Variants in CENPI observed in about 807,000 individuals in gnomAD.
CENPI encodes FSH primary response 1.
Under a neutral mutation model 60.4 loss-of-function variants are expected in CENPI, and 4 were observed. That is an observed-to-expected ratio of 0.07 (90% CI 0.03 to 0.15). The LOEUF (loss-of-function observed/expected upper bound fraction) is 0.15, where lower values mean the gene tolerates loss of function less well. CENPI is among the 10% of genes least tolerant of loss of function. The probability of loss-of-function intolerance (pLI) is 1.00; values close to 1 mark genes in which losing one functional copy is unlikely to be tolerated. For synonymous variants in CENPI, 157 were observed against 189.4 expected, an observed-to-expected ratio of 0.83 and a Z score of 1.40; for missense variants, 444 against 534.5, an observed-to-expected ratio of 0.83 and a Z score of 1.67.
intron 12 of CENPI, among the ~76,000 whole-genome samples, chrX:101,129,594 G>A (rs894594427): frequency 9.0e-6 from 1 of 111,437 alleles, no homozygotes; most frequent in Non-Finnish European, 1.9e-5. Context: ...AGATTTCCAT[G>A]TACTAAATTT....
intron 8 of CENPI, among the ~76,000 whole-genome samples, chrX:101,121,540 C>G (rs1439358749): frequency 3.6e-5 from 4 of 109,953 alleles, no homozygotes; most frequent in African/African-American, 1.3e-4. Context: ...CTGCCTGCCT[C>G]GGCCTCCCAA....
In CENPI at chrX:101,146,197, G is replaced by C; in HGVS notation, c.1746G>C (p.Leu582Phe). The C allele has an allele frequency of 8.3e-7, 1 of 1,201,454 alleles. No individual in the cohort carries two copies. The highest frequency in any genetic ancestry group is 1.1e-6 in the Non-Finnish European group (1 of 886,738). The change falls in exon 18 of 22, where the codon TTG becomes TTC. Residue 582 changes from leucine to phenylalanine, a missense_variant. Physicochemically the swap from Leu to Phe is conservative, Grantham distance 22 (BLOSUM62 0). Coordinates refer to ENST00000682095, the MANE Select transcript of CENPI (RefSeq NM_001386188.2). ...YINYNLPLVV[L>F]FPPGIFYSAL... ...ATTATAACCTTCCATTAGTGGTATT[G>C]TTTCCTCCTGGGATCTTCTATTCTG...
downstream of CENPI, among the ~76,000 whole-genome samples, chrX:101,170,214 T>C (rs913060875): frequency 1.8e-5 from 2 of 112,127 alleles, no homozygotes; most frequent in Non-Finnish European, 3.8e-5. Flanking sequence ...GTACTTTTTC[T>C]GTGTTTAGAT....
intron 17 of CENPI, among the ~76,000 whole-genome samples, chrX:101,145,891 C>T (rs1215218266): frequency 9.1e-6 from 1 of 109,428 alleles, no homozygotes; most frequent in East Asian, 2.9e-4. Context: ...CTTAATCTAC[C>T]CTGTCCCCCT....
At chrX:101,149,500 GCTT>G (rs1265548086) in intron 20 of CENPI, among the ~76,000 whole-genome samples, 4 of 103,754 alleles carry the variant, frequency 3.9e-5, no homozygotes, top group Admixed American at 1.1e-4. Context: ...TGTCAGTGGT[GCTT>G]CTTCTTTTTT....
intron 4 of CENPI, among the ~76,000 whole-genome samples, chrX:101,105,840 T>C (rs1330652387): frequency 8.9e-6 from 1 of 112,248 alleles, no homozygotes; most frequent in African/African-American, 3.2e-5. Flanking sequence ...AACTTTTATA[T>C]AGCAAGTTAA....
At chrX:101,104,592 G>A (rs1468073245) in intron 4 of CENPI, among the ~76,000 whole-genome samples, 1 of 111,420 alleles carries the variant, frequency 9.0e-6, no homozygotes. Context: ...TGGGTATAGT[G>A]GCTCATGCCT....
intron 3 of CENPI, among the ~76,000 whole-genome samples, chrX:101,101,705 T>TG (rs1474781347): frequency 3.0e-4 from 33 of 111,483 alleles, no homozygotes; most frequent in African/African-American, 1.0e-3. Context: ...TGGTAAAGTT[T>TG]GGGAACCACT....
chrX:101,166,018 C>T lies in CENPI; in HGVS notation c.*3051C>T, dbSNP rs1157068873. On this transcript the variant is annotated 3_prime_UTR_variant, in exon 22 of 22. Coordinates refer to ENST00000682095, the MANE Select transcript of CENPI (RefSeq NM_001386188.2). ...TTATCATTAAAGAAACTTTTCTAAA[C>T]TTAAATTTATGAAAAATAATTTTTC... 8.9e-6 allele frequency among the ~76,000 whole-genome samples: 1 copy of T among 112,128 alleles called. No homozygotes were observed. Among genetic ancestry groups the T allele is most frequent in the African/African-American group, 3.2e-5 (1 of 30,946 alleles).
Position 101,132,317 on chromosome X carries a change from A to C in CENPI, c.1405+10A>C. 1 of 1,192,137 alleles carries C rather than the reference A, an allele frequency of 8.4e-7. No homozygotes were observed. Among genetic ancestry groups the C allele is most frequent in the Non-Finnish European group, 1.1e-6 (1 of 878,509 alleles). On this transcript the variant is annotated intron_variant, in intron 14 of 21. Transcript: ENST00000682095. ...TTTAGTAGCTTCTCTGGTATGTATCATGAAAATTTGGAGTCATTTGATTCA... is the reference window on the plus strand; with the variant it reads ...TTTAGTAGCTTCTCTGGTATGTATCCTGAAAATTTGGAGTCATTTGATTCA...
intron 4 of CENPI, among the ~76,000 whole-genome samples, chrX:101,107,064 A>G (rs1317660048): frequency 2.0e-4 from 12 of 60,658 alleles, no homozygotes; most frequent in African/African-American, 8.0e-4. Context: ...CTGTCTCAAA[A>G]AAAAAAAAAA....
chrX:101,178,463 T>G, the CENPI span, among the ~76,000 whole-genome samples: 2 of 90,736 alleles, frequency 2.2e-5, no homozygotes, highest in Non-Finnish European at 4.2e-5. Flanking sequence ...CAGGCTGGAG[T>G]GCAATGGCAT....
At chrX:101,167,098 G>C (rs1223462423), downstream of CENPI, among the ~76,000 whole-genome samples, 1 of 112,190 alleles carries the variant, frequency 8.9e-6, no homozygotes, top group Admixed American at 9.5e-5. Context: ...TTTTGATCTT[G>C]GGGTTGATCT....
At chrX:101,147,316 A>G (rs1182619248) in intron 18 of CENPI, among the ~76,000 whole-genome samples, 1 of 109,770 alleles carries the variant, frequency 9.1e-6, no homozygotes, top group Non-Finnish European at 1.9e-5. Context: ...TGCTGCACCT[A>G]TCAACTCATC....
At chrX:101,116,344 G>C (rs991593924) in intron 6 of CENPI, among the ~76,000 whole-genome samples, 2 of 109,618 alleles carry the variant, frequency 1.8e-5, no homozygotes, top group African/African-American at 6.6e-5. Flanking sequence ...TGTATTTTAT[G>C]TGTGGCTCAA....
chrX:101,133,572 A>G, intron 15 of CENPI, among the ~76,000 whole-genome samples: 1 of 109,927 alleles, frequency 9.1e-6, no homozygotes, highest in South Asian at 3.9e-4. Flanking sequence ...AAGGAAGGGA[A>G]CAGACAGCAA....
chrX:101,122,306 G>A (rs1158173208), intron 8 of CENPI, among the ~76,000 whole-genome samples: 3 of 111,448 alleles, frequency 2.7e-5, no homozygotes, highest in Non-Finnish European at 5.6e-5. Flanking sequence ...CTACCTATAG[G>A]CATTTATTGA....
chrX:101,160,282 G>A (rs770262420), intron 20 of CENPI, among the ~76,000 whole-genome samples: 12 of 110,963 alleles, frequency 1.1e-4, no homozygotes, highest in African/African-American at 3.9e-4. Flanking sequence ...GGCAGAAGCA[G>A]TGATTCATAC....
chrX:101,172,478 T>C, the CENPI span, among the ~76,000 whole-genome samples: 7 of 110,934 alleles, frequency 6.3e-5, no homozygotes, highest in Non-Finnish European at 1.1e-4. Flanking sequence ...AAAAAACATA[T>C]ATTATGACAT....
Sources: gnomAD v4.1 joint callset for allele counts (sites outside exome capture counted in the v4.1 genomes callset) on GRCh38, gnomAD v4.1.1 for gene constraint, MANE v1.5 for transcripts, NCBI Gene and HGNC (gene_info 2026-07-23, HGNC 2026-07-21) for gene names.